TRABD2A: variants seen among roughly 807,000 people sequenced by gnomAD.
TRABD2A encodes metalloprotease TIKI1.
Under a neutral mutation model 45.6 loss-of-function variants are expected in TRABD2A, and 43 were observed. The ratio of observed to expected loss-of-function variants is 0.94; its 90% CI spans 0.74 to 1.22. The LOEUF is 1.22. Among genes scored for constraint, TRABD2A ranks in the 50% most tolerant of loss-of-function variants. The probability of loss-of-function intolerance (pLI) is 0.00; values close to 1 mark genes in which losing one functional copy is unlikely to be tolerated. For synonymous variants in TRABD2A, 269 were observed against 265.0 expected (o/e 1.02, Z -0.15); for missense variants, 642 against 652.4 (o/e 0.98, Z 0.17).
chr2:84,857,532 T>C lies in TRABD2A; in HGVS notation c.669+12693A>G, dbSNP rs557571943. Among the ~76,000 whole-genome samples, 6 of 152,360 alleles carry C rather than the reference T, an allele frequency of 3.9e-5. No individual in the cohort carries two copies. The East Asian group carries it at 1.2e-3, about 29-fold the overall frequency. On this transcript the variant is annotated intron_variant, in intron 2 of 6. Coordinates refer to ENST00000409520, the MANE Select transcript of TRABD2A (RefSeq NM_001277053.2). ...ATGAGTGCTAAGCAGTTCATCTGAA[T>C]GATTATCAACTATATCAGTTCCACA...
At chr2:84,841,802 A>G in intron 3 of TRABD2A, 59 bp downstream of exon 3, 1 of 1,432,336 alleles carries the variant, frequency 7.0e-7, no homozygotes, top group South Asian at 1.6e-5. Flanking sequence ...TTGCCAGGTA[A>G]TGTTTTTATT....
chr2:84,842,093 TCA>T (rs1681730528), intron 2 of TRABD2A, 86 bp from the exon 3 acceptor site: 3 of 1,369,778 alleles, frequency 2.2e-6, no homozygotes, highest in South Asian at 3.2e-5. Flanking sequence ...GGAAATACCT[TCA>T]CCTTTGTGCT....
chr2:84,870,594 G>A lies in TRABD2A; in HGVS notation c.300C>T (p.Thr100=). The change falls in exon 2 of 7, where the codon ACC becomes ACT. Residue 100 remains threonine, a synonymous_variant. Coordinates refer to ENST00000409520, the MANE Select transcript of TRABD2A (RefSeq NM_001277053.2). ...LTDPYTISAL[T]SCQMLPQGEN... Reference sequence around the variant, plus strand: ...CGCCCTGTGGCAGCATCTGACAGCTGGTGAGAGCTGAGATGGTATAGGGGT... The same window carrying A: ...CGCCCTGTGGCAGCATCTGACAGCTAGTGAGAGCTGAGATGGTATAGGGGT... 6.2e-7 allele frequency: 1 copy of A among 1,613,620 alleles called. No individual in the cohort carries two copies. Among genetic ancestry groups the A allele is most frequent in the Non-Finnish European group, 8.5e-7 (1 of 1,179,714 alleles).
chr2:84,821,985 GGCAGGCACT>G lies in TRABD2A; in HGVS notation c.1441_1449del (p.Ser481_Cys483del). The stretch of plus-strand genomic sequence containing the variant: ...CAGAACACAGGAGTCCAGAGAGACA[GGCAGGCACT>G]GCTGGCCACCATCTGGCTGTGGTGG... On this transcript the variant is annotated inframe_deletion, in exon 7 of 7. Transcript: ENST00000409520. 6.2e-7 allele frequency: 1 copy of G among 1,602,816 alleles called. No individual in the cohort carries two copies. Among genetic ancestry groups the G allele is most frequent in the Non-Finnish European group, 8.5e-7 (1 of 1,174,888 alleles).
rs768774262 is a variant in TRABD2A at position 84,870,403 on chromosome 2, C to T, written c.491G>A (p.Arg164Lys). 2.5e-6 allele frequency: 4 copies of T among 1,614,024 alleles called. No homozygotes were observed. The highest frequency in any genetic ancestry group is 1.6e-4 in the Middle Eastern group (1 of 6,062). ...NAIAGNWERK[R>K]PVWVMLMVNS... ...GACCATGAGCATCACCCAGACAGGC[C>T]TCTTGCGCTCCCAGTTTCCGGCAAT... is the stretch of plus-strand genomic sequence containing the variant. The change falls in exon 2 of 7, where the codon AGG becomes AAG. Residue 164 changes from arginine (R) to lysine (K), a missense_variant. Physicochemically the swap from Arg to Lys is conservative, Grantham distance 26. Coordinates refer to ENST00000409520, the MANE Select transcript of TRABD2A (RefSeq NM_001277053.2).
chr2:84,823,774 A>G (rs745500604), intron 6 of TRABD2A, among the ~76,000 whole-genome samples, 179 bp downstream of exon 6: 1 of 152,174 alleles, frequency 6.6e-6, no homozygotes, highest in Non-Finnish European at 1.5e-5. Flanking sequence ...TGAAGCAACT[A>G]TCTTAAATCT....
At chr2:84,879,525 G>A in intron 1 of TRABD2A, 3 of 912,890 alleles carry the variant, frequency 3.3e-6, no homozygotes, top group Non-Finnish European at 3.9e-6. Flanking sequence ...GAGACCAAAA[G>A]GTAGGACGAT....
intron 2 of TRABD2A, among the ~76,000 whole-genome samples, chr2:84,853,096 C>T (rs1453691593): frequency 6.6e-6 from 1 of 151,888 alleles, no homozygotes; most frequent in East Asian, 1.9e-4. Context: ...AAGTTAAGAT[C>T]ATTAGGGTGG....
intron 2 of TRABD2A, among the ~76,000 whole-genome samples, chr2:84,860,941 G>A (rs1468091654): frequency 6.6e-6 from 1 of 152,236 alleles, no homozygotes; most frequent in Admixed American, 6.5e-5. Flanking sequence ...AATGTGAAGG[G>A]TTGACAGGAT....
chr2:84,832,539 CCTG>C (rs1681373101), intron 4 of TRABD2A: 1 of 176,568 alleles, frequency 5.7e-6, no homozygotes, highest in African/African-American at 2.4e-5. Flanking sequence ...GTGGCTCACA[CCTG>C]TAATCCCAGC....
At chr2:84,863,413 T>A (rs962571103) in intron 2 of TRABD2A, among the ~76,000 whole-genome samples, 6 of 150,112 alleles carry the variant, frequency 4.0e-5, no homozygotes, top group Non-Finnish European at 8.9e-5. Context: ...CCCGGCTAAT[T>A]TTTTGTATTT....
intron 4 of TRABD2A, 144 bp from the exon 5 acceptor site, chr2:84,832,289 G>A: frequency 1.3e-6 from 1 of 776,824 alleles, no homozygotes; most frequent in African/African-American, 1.7e-5. Context: ...GAGAGCTTCT[G>A]GAATCAGGCC....
chr2:84,839,291 A>G lies in TRABD2A; in HGVS notation c.849T>C (p.Pro283=). The change falls in exon 4 of 7, where the codon CCT becomes CCC. Residue 283 remains proline (P), a synonymous_variant. Coordinates refer to ENST00000409520, the MANE Select transcript of TRABD2A (RefSeq NM_001277053.2). ...TCTCCTGAGCAGTGATGCGCTCCTG[A>G]GGTGGTAGCGTGGCATTAATAAAAT... The part of the protein sequence containing the change: ...VPNFINATLP[P]QERITAQEID... 1 of 1,613,378 alleles carries G rather than the reference A, an allele frequency of 6.2e-7. No homozygotes were observed.
intron 2 of TRABD2A, among the ~76,000 whole-genome samples, chr2:84,866,009 G>A (rs941607804): frequency 1.3e-5 from 2 of 152,234 alleles, no homozygotes; most frequent in Non-Finnish European, 2.9e-5. Flanking sequence ...CGAGGGGCAA[G>A]GATGATGTCT....
At chr2:84,868,536 ATTAG>A (rs764455432) in intron 2 of TRABD2A, among the ~76,000 whole-genome samples, 2 of 151,812 alleles carry the variant, frequency 1.3e-5, no homozygotes, top group Non-Finnish European at 2.9e-5. Context: ...TAACTAGTTA[ATTAG>A]TTAATTAACT....
At chr2:84,835,659 C>G (rs1049020575) in intron 4 of TRABD2A, among the ~76,000 whole-genome samples, 1 of 152,206 alleles carries the variant, frequency 6.6e-6, no homozygotes, top group Admixed American at 6.5e-5. Flanking sequence ...TCAAGTGATC[C>G]TCCTGCCATG....
intron 2 of TRABD2A, among the ~76,000 whole-genome samples, chr2:84,867,474 T>G (rs1032935069): frequency 6.6e-6 from 1 of 152,092 alleles, no homozygotes; most frequent in East Asian, 1.9e-4. Flanking sequence ...CCTAAAACCA[T>G]AAAAACCCTA....
At chr2:84,828,945 G>A (rs1681230354) in intron 5 of TRABD2A, among the ~76,000 whole-genome samples, 1 of 152,118 alleles carries the variant, frequency 6.6e-6, no homozygotes, top group Admixed American at 6.6e-5. Context: ...GTGTGGGTAG[G>A]GAAAGGATCT....
At chr2:84,844,657 A>G (rs987456056) in intron 2 of TRABD2A, among the ~76,000 whole-genome samples, 1 of 152,180 alleles carries the variant, frequency 6.6e-6, no homozygotes, top group African/African-American at 2.4e-5. Context: ...ACCCACAACA[A>G]CTGGGAATTG....
Sources: allele counts gnomAD v4.1 joint callset (sites outside exome capture counted in the v4.1 genomes callset), GRCh38; gene constraint gnomAD v4.1.1; transcripts MANE v1.5; gene names NCBI Gene and HGNC (gene_info 2026-07-23, HGNC 2026-07-21).